Variants in USP48 observed in about 807,000 individuals in gnomAD.
The protein encoded by USP48 is ubiquitin carboxyl-terminal hydrolase 48.
Under a neutral mutation model 150.7 loss-of-function variants are expected in USP48, and 43 were observed. The ratio of observed to expected loss-of-function variants is 0.29; its 90% CI spans 0.22 to 0.37. USP48 has a LOEUF of 0.37. USP48 is among the 10% of genes least tolerant of loss of function. The pLI is 1.00. For missense variants in USP48, 813 were observed against 1,249.6 expected (o/e 0.65, Z 5.27); for synonymous variants, 396 against 425.9 (o/e 0.93, Z 0.86).
chr1:21,723,806 G>A, intron 12 of USP48, 92 bp downstream of exon 12: 1 of 1,162,514 alleles, frequency 8.6e-7, no homozygotes, highest in Non-Finnish European at 1.2e-6. Flanking sequence ...GCATAGTTTG[G>A]GTCAAATCAT....
At chr1:21,775,047 C>T (rs1474711891) in intron 1 of USP48, among the ~76,000 whole-genome samples, 1 of 151,846 alleles carries the variant, frequency 6.6e-6, no homozygotes, top group Non-Finnish European at 1.5e-5. Context: ...GGCAGCTCTA[C>T]ATGCATGAAT....
chr1:21,687,164 A>G (rs1166791083), intron 25 of USP48, 27 bp downstream of exon 25: 3 of 1,608,196 alleles, frequency 1.9e-6, no homozygotes, highest in Middle Eastern at 1.6e-4. Context: ...CCTAATCAGC[A>G]GATTCCTAAA....
intron 25 of USP48, chr1:21,686,294 G>A (rs1160410515): frequency 1.3e-5 from 2 of 152,242 alleles, no homozygotes; most frequent in Admixed American, 6.5e-5. Context: ...TAAGCTTTTC[G>A]CCATTAGGTA....
intron 1 of USP48, among the ~76,000 whole-genome samples, chr1:21,781,214 T>G (rs1572081880): frequency 7.0e-6 from 1 of 142,102 alleles, no homozygotes; most frequent in South Asian, 2.3e-4. Flanking sequence ...AGGTCAGGAG[T>G]TCGAGACCAG....
intron 1 of USP48, among the ~76,000 whole-genome samples, chr1:21,772,296 T>A (rs1371926157): frequency 6.6e-6 from 1 of 152,038 alleles, no homozygotes; most frequent in South Asian, 2.1e-4. Context: ...AGCCCAAATA[T>A]ACCACAGAAA....
chr1:21,682,874 G>GAAA (rs113666436), intron 25 of USP48, among the ~76,000 whole-genome samples: 1 of 121,802 alleles, frequency 8.2e-6, no homozygotes, highest in Non-Finnish European at 1.8e-5. Flanking sequence ...CTCCATCTCA[G>GAAA]AAAAAAAAAA....
intron 8 of USP48, among the ~76,000 whole-genome samples, chr1:21,738,303 C>G (rs1442059094): frequency 6.6e-6 from 1 of 151,394 alleles, no homozygotes; most frequent in East Asian, 1.9e-4. Context: ...GGTGATCCAT[C>G]TGCCTCGGCC....
chr1:21,687,409 C>T (rs2097582936), intron 24 of USP48, among the ~76,000 whole-genome samples, 170 bp from the exon 25 acceptor site: 2 of 152,216 alleles, frequency 1.3e-5, no homozygotes, highest in Admixed American at 1.3e-4. Flanking sequence ...AGCAGATGCC[C>T]TGCTGGCTAT....
At chr1:21,685,553 G>A (rs949093626) in intron 25 of USP48, among the ~76,000 whole-genome samples, 1 of 152,082 alleles carries the variant, frequency 6.6e-6, no homozygotes, top group Non-Finnish European at 1.5e-5. Context: ...GACTTCAACT[G>A]CTCCACTTGC....
At chr1:21,774,948 C>A (rs929854674) in intron 1 of USP48, among the ~76,000 whole-genome samples, 1 of 149,858 alleles carries the variant, frequency 6.7e-6, no homozygotes, top group Non-Finnish European at 1.5e-5. Context: ...GCCAAATTCA[C>A]GCACTGCACT....
intron 15 of USP48, among the ~76,000 whole-genome samples, chr1:21,710,368 A>G (rs2097686966): frequency 1.3e-5 from 2 of 152,216 alleles, no homozygotes; most frequent in South Asian, 4.1e-4. Context: ...CAAACTGTAT[A>G]TAATACTTTG....
chr1:21,691,043 A>G (rs2097597280), intron 23 of USP48, among the ~76,000 whole-genome samples: 1 of 152,084 alleles, frequency 6.6e-6, no homozygotes, highest in South Asian at 2.1e-4. Flanking sequence ...AGCCGGGTGC[A>G]GTGGCTCTCG....
In USP48 at chr1:21,679,290, G is replaced by A. The variant is rs768662799; in HGVS notation, c.*127C>T. On this transcript the variant is annotated 3_prime_UTR_variant, in exon 27 of 27. Coordinates refer to ENST00000308271, the MANE Select transcript of USP48 (RefSeq NM_032236.8). ...CATTTGGGACAGTCACGTTTGAATGGATTTCTGCCTTTTGGAAGGGGCATG... is the reference window on the plus strand; with the variant it reads ...CATTTGGGACAGTCACGTTTGAATGAATTTCTGCCTTTTGGAAGGGGCATG... 1 of 1,197,106 alleles carries A rather than the reference G, an allele frequency of 8.4e-7. No homozygotes were observed. Among genetic ancestry groups the A allele is most frequent in the Non-Finnish European group, 1.2e-6 (1 of 807,734 alleles). 74.2% of individuals were successfully genotyped at this position (1,197,106 alleles called of 1,614,324 possible).
rs970557077 is a variant in USP48 at position 21,783,060 on chromosome 1, C to T, written c.-103G>A. 1.4e-6 allele frequency: 2 copies of T among 1,386,636 alleles called. No individual in the cohort carries two copies. The highest frequency in any genetic ancestry group is 1.9e-6 in the Non-Finnish European group (2 of 1,076,330). 85.9% of individuals were successfully genotyped at this position (1,386,636 alleles called of 1,614,324 possible). A position where few individuals can be genotyped will look rare whatever the true frequency, so the allele number is the denominator to read the frequency against. On this transcript the variant is annotated 5_prime_UTR_variant, in exon 1 of 27. Transcript: ENST00000308271. ...TTCGCCACCTGCCAGCAAGGAGGAC[C>T]TGGCGCTCCTTCAGGCAGCTGGCCA...
chr1:21,713,759 CCT>C (rs764722870), intron 15 of USP48, among the ~76,000 whole-genome samples: 5 of 152,322 alleles, frequency 3.3e-5, no homozygotes, highest in East Asian at 1.9e-4. Flanking sequence ...ACTTCCTTCC[CCT>C]GTTTATTTCC....
At chr1:21,751,887 G>A (rs949614044) in intron 5 of USP48, among the ~76,000 whole-genome samples, 1 of 151,908 alleles carries the variant, frequency 6.6e-6, no homozygotes, top group Admixed American at 6.6e-5. Flanking sequence ...ATGTGGTGGC[G>A]CGTTCCTGTA....
chr1:21,773,018 A>G (rs113704918), intron 1 of USP48, among the ~76,000 whole-genome samples: 11,551 of 151,270 alleles, frequency 0.076, 499 homozygotes, highest in Middle Eastern at 0.11. Context: ...CAACACTTTG[A>G]GAGGCTGAGG....
At chr1:21,698,963 C>T (rs773139247) in intron 22 of USP48, among the ~76,000 whole-genome samples, 31 of 152,204 alleles carry the variant, frequency 2.0e-4, no homozygotes, top group African/African-American at 4.3e-4. Flanking sequence ...CTAAAACATA[C>T]GGTACTGCCA....
At position 21,776,592 on chromosome 1, in the gene USP48, C is replaced by CAAAAAAA. The variant is rs59309344; in HGVS notation, c.134+6225_134+6231dup. Among the ~76,000 whole-genome samples, 11 of 58,012 alleles carry CAAAAAAA rather than the reference C, an allele frequency of 1.9e-4. 1 individual carries two copies. Among genetic ancestry groups the CAAAAAAA allele is most frequent in the African/African-American group, 7.5e-4 (11 of 14,658 alleles). 38.1% of individuals were successfully genotyped at this position (58,012 alleles called of 152,430 possible). ...GGAGAAAGTGAATAGTGTCTTGTCT[C>CAAAAAAA]AAAAAAAAAAAAAAAAAAAAAAAAA... On this transcript the variant is annotated intron_variant, in intron 1 of 26. Coordinates refer to ENST00000308271, the MANE Select transcript of USP48 (RefSeq NM_032236.8).
Sources: gnomAD v4.1 joint callset for allele counts (sites outside exome capture counted in the v4.1 genomes callset) on GRCh38, gnomAD v4.1.1 for gene constraint, MANE v1.5 for transcripts, NCBI Gene and HGNC (gene_info 2026-07-23, HGNC 2026-07-21) for gene names.